Variants in DRC4 observed in about 807,000 individuals in gnomAD.
DRC4 encodes dynein regulatory complex subunit 4, also known as GAS-11.
At chr16:90,042,544 G>A in the DRC4 span, 1 of 1,612,432 alleles carries the variant, frequency 6.2e-7, no homozygotes, top group Admixed American at 1.7e-5. Flanking sequence ...AGGTACGGCT[G>A]TGCCCTGCCC....
the DRC4 span, chr16:90,042,182 C>G: frequency 2.0e-6 from 1 of 496,134 alleles, no homozygotes; most frequent in East Asian, 5.4e-5. Context: ...GTGATCTGCC[C>G]TCCTTGGCCT....
At chr16:90,027,414 CCTT>C in the DRC4 span, among the ~76,000 whole-genome samples, 1 of 152,158 alleles carries the variant, frequency 6.6e-6, no homozygotes, top group African/African-American at 2.4e-5. Flanking sequence ...GGAATGTTCT[CCTT>C]CTCAAAAGGA....
At chr16:90,041,602 A>T in the DRC4 span, among the ~76,000 whole-genome samples, 1 of 152,120 alleles carries the variant, frequency 6.6e-6, no homozygotes, top group African/African-American at 2.4e-5. Flanking sequence ...TTGGGAGTTC[A>T]AGACCAGCCT....
chr16:90,025,649 CAAAA>C, the DRC4 span, among the ~76,000 whole-genome samples: 10 of 45,924 alleles, frequency 2.2e-4, no homozygotes, highest in African/African-American at 3.9e-4. Context: ...GACTCTGTCT[CAAAA>C]AAAAAAAAAA....
chr16:90,043,948 C>T, the DRC4 span: 4 of 420,624 alleles, frequency 9.5e-6, no homozygotes, highest in Non-Finnish European at 2.0e-5. Context: ...GGACCAGGGG[C>T]ACGTGGAACT....
At chr16:90,031,542 C>T in the DRC4 span, 1 of 1,515,980 alleles carries the variant, frequency 6.6e-7, no homozygotes, top group Non-Finnish European at 8.9e-7. Context: ...ACCACAGAGC[C>T]CCAGAGGAGC....
chr16:90,035,220 A>G, the DRC4 span, among the ~76,000 whole-genome samples: 1 of 152,190 alleles, frequency 6.6e-6, no homozygotes, highest in South Asian at 2.1e-4. Context: ...AATTTTCTGT[A>G]GAAGATCTTG....
chr16:90,019,979 G>T, the DRC4 span: 6 of 698,142 alleles, frequency 8.6e-6, no homozygotes, highest in Non-Finnish European at 1.6e-5. The surrounding 1 kb of genome is among the most constrained non-coding windows in gnomAD (Gnocchi z 6.1). Context: ...AGGGCGGCGG[G>T]CCCGGGCTGC....
At chr16:90,040,522 C>A in the DRC4 span, 2 of 1,585,524 alleles carry the variant, frequency 1.3e-6, no homozygotes, top group East Asian at 4.6e-5. Flanking sequence ...AGGCCCTAGA[C>A]AGGCTCCTGA....
At chr16:90,036,679 C>T in the DRC4 span, 440,814 of 1,028,902 alleles carry the variant, frequency 0.43, 97,815 homozygotes, top group Non-Finnish European at 0.47. Context: ...AGCTCTCCAC[C>T]CCAACACACC....
chr16:90,035,865 A>G, the DRC4 span: 1 of 1,494,666 alleles, frequency 6.7e-7, no homozygotes, highest in Non-Finnish European at 8.9e-7. Flanking sequence ...GAATCCCAGA[A>G]CAACCTATTT....
chr16:90,040,559 GC>G, the DRC4 span: 2 of 1,473,344 alleles, frequency 1.4e-6, no homozygotes, highest in Non-Finnish European at 1.8e-6. Context: ...CATCCCTGTG[GC>G]AAGAGTCTTC....
At chr16:90,035,884 G>T in the DRC4 span, 1 of 1,465,032 alleles carries the variant, frequency 6.8e-7, no homozygotes. Flanking sequence ...TTCCATGTGA[G>T]TTTGGGAGGC....
the DRC4 span, chr16:90,037,837 C>T: frequency 8.7e-6 from 14 of 1,613,894 alleles, no homozygotes; most frequent in Admixed American, 1.5e-4. Flanking sequence ...GTTAGAGCAG[C>T]GATTCACCAA....
At chr16:90,033,879 CA>C in the DRC4 span, among the ~76,000 whole-genome samples, 1 of 151,322 alleles carries the variant, frequency 6.6e-6, no homozygotes, top group East Asian at 2.0e-4. Flanking sequence ...CGGTTTTGTA[CA>C]AGCAGTTGAC....
the DRC4 span, chr16:90,032,861 A>G: frequency 6.2e-7 from 1 of 1,613,968 alleles, no homozygotes; most frequent in Non-Finnish European, 8.5e-7. Flanking sequence ...ACATGCGGGC[A>G]CTGAAGGTGG....
At chr16:90,032,690 A>G in the DRC4 span, 1 of 1,609,404 alleles carries the variant, frequency 6.2e-7, no homozygotes, top group Admixed American at 1.7e-5. Flanking sequence ...GGTGCAGGTG[A>G]GCAGATGGTA....
the DRC4 span, chr16:90,031,044 A>C: frequency 2.7e-6 from 2 of 735,296 alleles, no homozygotes; most frequent in African/African-American, 3.6e-5. Context: ...TTTAGGCATC[A>C]ATTCTCAGGA....
the DRC4 span, among the ~76,000 whole-genome samples, chr16:90,040,720 T>G: frequency 1.4e-5 from 1 of 72,872 alleles, no homozygotes; most frequent in South Asian, 3.7e-4. Flanking sequence ...ACTCTGCTAT[T>G]GATGGGGAGC....
Sources: gnomAD v4.1 joint callset for allele counts (sites outside exome capture counted in the v4.1 genomes callset) on GRCh38, gnomAD v4.1.1 for gene constraint, Gnocchi (gnomAD v3.1) non-coding constraint, MANE v1.5 for transcripts, NCBI Gene and HGNC (gene_info 2026-07-23, HGNC 2026-07-21) for gene names.